ATP6V0E1: variants seen among roughly 807,000 people sequenced by gnomAD.
ATP6V0E1 encodes V-type proton ATPase subunit e 1.
Under a neutral mutation model 11.6 loss-of-function variants are expected in ATP6V0E1, and 4 were observed. That is an observed-to-expected ratio of 0.35 (90% confidence interval 0.17 to 0.79). The LOEUF (loss-of-function observed/expected upper bound fraction) is 0.79. Ranked by LOEUF, ATP6V0E1 falls within the 30% of genes least tolerant of loss-of-function variation. ATP6V0E1 has a pLI of 0.54. For missense variants in ATP6V0E1, 105 were observed against 100.0 expected (o/e 1.05, Z -0.21); for synonymous variants, 36 against 34.8 (o/e 1.04, Z -0.13).
chr5:173,013,639 C>T (rs1307739269), intron 2 of ATP6V0E1, among the ~76,000 whole-genome samples: 6 of 150,230 alleles, frequency 4.0e-5, no homozygotes, highest in African/African-American at 1.5e-4. Context: ...AACTACCCAA[C>T]TGACAGGGGA....
intron 3 of ATP6V0E1, among the ~76,000 whole-genome samples, chr5:173,028,340 T>A (rs1756593786): frequency 6.6e-6 from 1 of 152,186 alleles, no homozygotes; most frequent in Non-Finnish European, 1.5e-5. Flanking sequence ...GTCAAAGGAT[T>A]GAGTTTTGTT....
In ATP6V0E1 at chr5:173,034,493, G is replaced by A. The variant is rs1171748891; in HGVS notation, c.*131G>A. The A allele has an allele frequency of 2.0e-5, 14 of 701,226 alleles. No homozygotes were observed. Among genetic ancestry groups the A allele is most frequent in the South Asian group, 8.9e-5 (6 of 67,556 alleles). 43.4% of individuals were successfully genotyped at this position (701,226 alleles called of 1,614,324 possible). The stretch of plus-strand genomic sequence containing the variant: ...GTTTTGGCCATTAGCTGCCTTAAAC[G>A]TTAACAGCACATTTGAATGCCTTAT... On this transcript the variant is annotated 3_prime_UTR_variant, in exon 4 of 4. Transcript: ENST00000519374.
chr5:173,024,716 G>A (rs1337631594), intron 3 of ATP6V0E1, among the ~76,000 whole-genome samples: 1 of 151,814 alleles, frequency 6.6e-6, no homozygotes, highest in Non-Finnish European at 1.5e-5. Context: ...TTGCTTCTAA[G>A]CCTTTTCAAT....
rs184236345 is a variant in ATP6V0E1 at position 173,035,340 on chromosome 5, G to C, written c.*978G>C. The C allele has an allele frequency of 1.4e-4, 22 of 152,262 alleles. No individual in the cohort carries two copies. The East Asian group carries it at 4.1e-3, about 28-fold the overall frequency. The allele number at this position is 152,262 out of a possible 1,614,324, so 9.4% of individuals were successfully genotyped here. A position where few individuals can be genotyped will look rare whatever the true frequency, so the allele number is the denominator to read the frequency against. On this transcript the variant is annotated 3_prime_UTR_variant, in exon 4 of 4. Coordinates refer to ENST00000519374, the MANE Select transcript of ATP6V0E1 (RefSeq NM_003945.4). ...GTCAAGAGTGATTAAAAAGCCAGGGGCAGGAGACAGTAATTTTGTATTTCA... is the reference window on the plus strand; with the variant it reads ...GTCAAGAGTGATTAAAAAGCCAGGGCCAGGAGACAGTAATTTTGTATTTCA...
intron 3 of ATP6V0E1, among the ~76,000 whole-genome samples, chr5:173,021,863 A>T (rs912511352): frequency 2.6e-5 from 4 of 152,068 alleles, no homozygotes; most frequent in African/African-American, 9.7e-5. Context: ...GGTGAAACCC[A>T]TCTCTACTAA....
Position 173,020,357 on chromosome 5 carries a change from C to T in ATP6V0E1, c.*26C>T, listed in dbSNP as rs367719776. On this transcript the variant is annotated 3_prime_UTR_variant, in exon 3 of 4. Coordinates refer to ENST00000519374, the MANE Select transcript of ATP6V0E1 (RefSeq NM_003945.4). ...GGAAGAAGACATGCTCTACAGTGCTCAGTCTTTGAGGTGACTATGCTTGTG... is the reference window on the plus strand; with the variant it reads ...GGAAGAAGACATGCTCTACAGTGCTTAGTCTTTGAGGTGACTATGCTTGTG... 1.3e-5 allele frequency: 20 copies of T among 1,555,276 alleles called. No individual in the cohort carries two copies. The highest frequency in any genetic ancestry group is 1.2e-4 in the African/African-American group (9 of 73,632).
intron 2 of ATP6V0E1, among the ~76,000 whole-genome samples, chr5:173,002,923 C>T (rs899108256): frequency 2.0e-5 from 3 of 151,676 alleles, no homozygotes; most frequent in African/African-American, 2.4e-5. Context: ...AGGGGTATCC[C>T]ACCTGTAGTC....
chr5:173,015,349 A>G (rs1756385052), intron 2 of ATP6V0E1, among the ~76,000 whole-genome samples: 1 of 152,176 alleles, frequency 6.6e-6, no homozygotes, highest in African/African-American at 2.4e-5. Flanking sequence ...AACTCCTAAA[A>G]TCCTTAGAAT....
intron 2 of ATP6V0E1, among the ~76,000 whole-genome samples, chr5:173,012,708 C>T (rs930001557): frequency 6.6e-6 from 1 of 150,708 alleles, no homozygotes; most frequent in African/African-American, 2.4e-5. Flanking sequence ...GAGCTGAGAT[C>T]GCGTGCCATT....
chr5:172,994,229 T>TG (rs1461033774), intron 1 of ATP6V0E1, among the ~76,000 whole-genome samples: 1 of 151,924 alleles, frequency 6.6e-6, no homozygotes, highest in Non-Finnish European at 1.5e-5. Context: ...GTCGGTTGGG[T>TG]GAAAATGGCA....
intron 2 of ATP6V0E1, among the ~76,000 whole-genome samples, chr5:172,997,567 T>A (rs936480723): frequency 6.6e-6 from 1 of 152,000 alleles, no homozygotes; most frequent in Non-Finnish European, 1.5e-5. Context: ...CCCAGCACTT[T>A]GGGAGGCCGA....
At chr5:173,008,930 A>C (rs796680378) in intron 2 of ATP6V0E1, among the ~76,000 whole-genome samples, 184 of 148,916 alleles carry the variant, frequency 1.2e-3, no homozygotes, top group African/African-American at 4.1e-3. Context: ...AAAAAAAAAA[A>C]AAAACTCAAC....
chr5:173,021,838 C>T (rs1436387034), intron 3 of ATP6V0E1, among the ~76,000 whole-genome samples: 2 of 152,116 alleles, frequency 1.3e-5, no homozygotes, highest in African/African-American at 2.4e-5. Flanking sequence ...CACGAGGTCA[C>T]GAGATCGAGA....
At chr5:172,993,881 G>A (rs1308014687) in intron 1 of ATP6V0E1, among the ~76,000 whole-genome samples, 2 of 152,014 alleles carry the variant, frequency 1.3e-5, no homozygotes, top group Non-Finnish European at 2.9e-5. Flanking sequence ...AAAAACAGGA[G>A]TTATAATATT....
intron 2 of ATP6V0E1, among the ~76,000 whole-genome samples, chr5:173,004,377 CAT>C (rs1451187393): frequency 6.6e-6 from 1 of 152,118 alleles, no homozygotes; most frequent in African/African-American, 2.4e-5. Context: ...GGCCTGTAAA[CAT>C]AAGCAGTCTT....
chr5:172,997,279 G>T (rs1229317820), intron 2 of ATP6V0E1, among the ~76,000 whole-genome samples: 3 of 152,056 alleles, frequency 2.0e-5, no homozygotes, highest in Admixed American at 2.0e-4. Flanking sequence ...ATGTTATCAA[G>T]TCCTGTATTT....
chr5:172,993,818 C>G (rs1756023165), intron 1 of ATP6V0E1, among the ~76,000 whole-genome samples: 1 of 151,930 alleles, frequency 6.6e-6, no homozygotes, highest in African/African-American at 2.4e-5. Context: ...TTACAGGGAG[C>G]TATGATCATG....
rs563708435 is a variant in ATP6V0E1, at chr5:172,988,570, G to A, written c.104+4606G>A. ...AAAATGGAAATAGGCTTTTCTGTGG[G>A]GATTTTAAAAAAAGGAAACATTAAA... On this transcript the variant is annotated intron_variant, in intron 1 of 3. Coordinates refer to ENST00000519374, the MANE Select transcript of ATP6V0E1 (RefSeq NM_003945.4). Among the ~76,000 whole-genome samples, 6 of 152,042 alleles carry A rather than the reference G, an allele frequency of 3.9e-5. No homozygotes were observed. The South Asian group carries it at 6.2e-4, about 16-fold the overall frequency.
At position 173,034,423 on chromosome 5, in the gene ATP6V0E1, G is replaced by A; in HGVS notation, c.*61G>A. On this transcript the variant is annotated 3_prime_UTR_variant, in exon 4 of 4. Coordinates refer to ENST00000519374, the MANE Select transcript of ATP6V0E1 (RefSeq NM_003945.4). ...GGTCACGAGAAGAGAATGCCTTCTAGATGCAAAATCACCTCCAAACCAGAC... is the reference window on the plus strand; with the variant it reads ...GGTCACGAGAAGAGAATGCCTTCTAAATGCAAAATCACCTCCAAACCAGAC... 1 of 702,992 alleles carries A rather than the reference G, an allele frequency of 1.4e-6. No homozygotes were observed. Among genetic ancestry groups the A allele is most frequent in the Non-Finnish European group, 2.6e-6 (1 of 384,982 alleles). 43.5% of individuals were successfully genotyped at this position (702,992 alleles called of 1,614,324 possible). A position where few individuals can be genotyped will look rare whatever the true frequency, so the allele number is the denominator to read the frequency against.
Sources: allele counts gnomAD v4.1 joint callset (sites outside exome capture counted in the v4.1 genomes callset), GRCh38; gene constraint gnomAD v4.1.1; transcripts MANE v1.5; gene names NCBI Gene and HGNC (gene_info 2026-07-23, HGNC 2026-07-21).